The following ERBB4 variants were observed in gnomAD, a reference collection of about 807,000 sequenced individuals.
ERBB4 encodes receptor tyrosine-protein kinase erbB-4.
A neutral mutation model predicts 158.0 loss-of-function variants in ERBB4; 42 were observed. That is an observed-to-expected ratio of 0.27 (90% CI 0.21 to 0.34). ERBB4 has a LOEUF of 0.34. Ranked by LOEUF, ERBB4 falls within the 10% of genes least tolerant of loss-of-function variation. The pLI is 1.00. For missense variants in ERBB4, 1,333 were observed against 1,624.1 expected, an observed-to-expected ratio of 0.82 and a Z score of 3.08; for synonymous variants, 583 against 558.7, an observed-to-expected ratio of 1.04 and a Z score of -0.61.
chr2:211,756,997 T>G (rs1333354420), intron 4 of ERBB4, among the ~76,000 whole-genome samples: 2 of 152,228 alleles, frequency 1.3e-5, no homozygotes, highest in African/African-American at 4.8e-5. Context: ...TTTTCACATT[T>G]AACTTACTGT....
chr2:212,435,090 C>T (rs905420309), intron 1 of ERBB4, among the ~76,000 whole-genome samples: 2 of 151,906 alleles, frequency 1.3e-5, no homozygotes, highest in African/African-American at 4.8e-5. Context: ...TTCTAAGTCT[C>T]ATAGGAAATT....
intron 4 of ERBB4, among the ~76,000 whole-genome samples, chr2:211,774,073 A>T (rs1575127479): frequency 7.0e-6 from 1 of 142,134 alleles, no homozygotes; most frequent in Non-Finnish European, 1.5e-5. Context: ...ACCCCAACCA[A>T]TTTTTTTTTT....
At position 211,395,937 on chromosome 2, in the gene ERBB4, A is replaced by G. The variant is rs1380909857; in HGVS notation, c.3136-7945T>C. Among the ~76,000 whole-genome samples the G allele has an allele frequency of 2.6e-5, 4 of 152,014 alleles. No homozygotes were observed. In the East Asian group the frequency reaches 7.7e-4, roughly 29 times the overall value. On this transcript the variant is annotated intron_variant, in intron 25 of 27. Transcript: ENST00000342788. ...ACAGCATTTATCTCCAGATCTGTCT[A>G]TGCAATAAGATACTGTTTAGGGATT... is the stretch of plus-strand genomic sequence containing the variant.
At chr2:211,921,531 C>T (rs2079857872) in intron 3 of ERBB4, among the ~76,000 whole-genome samples, 1 of 152,060 alleles carries the variant, frequency 6.6e-6, no homozygotes, top group Non-Finnish European at 1.5e-5. Context: ...AACAAATTTG[C>T]ATCATATCAG....
At chr2:212,146,784 A>G (rs138582204) in intron 1 of ERBB4, among the ~76,000 whole-genome samples, 340 of 152,178 alleles carry the variant, frequency 2.2e-3, no homozygotes, top group Non-Finnish European at 3.7e-3. Context: ...CTTTAGATTT[A>G]TTTTCTCAAT....
intron 20 of ERBB4, among the ~76,000 whole-genome samples, chr2:211,488,666 A>G (rs542790357): frequency 6.6e-6 from 1 of 152,252 alleles, no homozygotes; most frequent in South Asian, 2.1e-4. Context: ...AATTTATGGT[A>G]TAAAACTTAC....
intron 3 of ERBB4, among the ~76,000 whole-genome samples, chr2:211,853,841 T>C (rs2077780396): frequency 6.6e-6 from 1 of 152,060 alleles, no homozygotes; most frequent in African/African-American, 2.4e-5. Context: ...CAACAATGAC[T>C]CAATAAAAAG....
chr2:212,347,760 T>C (rs952300472), intron 1 of ERBB4, among the ~76,000 whole-genome samples: 4 of 152,144 alleles, frequency 2.6e-5, no homozygotes, highest in Non-Finnish European at 4.4e-5. Flanking sequence ...GGATTTTGCA[T>C]TCTCAACCTG....
At position 211,861,093 on chromosome 2, in the gene ERBB4, TAA is replaced by T. The variant is rs2078019146; in HGVS notation, c.422-72936_422-72935del. Among the ~76,000 whole-genome samples the T allele has an allele frequency of 1.1e-4, 7 of 63,374 alleles. 1 individual carries two copies. The highest frequency in any genetic ancestry group is 4.4e-4 in the African/African-American group (7 of 15,908). 41.6% of individuals were successfully genotyped at this position (63,374 alleles called of 152,430 possible). ...ATATATTTATATATTATAAAATATA[TAA>T]ATACATTATATATATTTATATATAT... On this transcript the variant is annotated intron_variant, in intron 3 of 27. Coordinates refer to ENST00000342788, the MANE Select transcript of ERBB4 (RefSeq NM_005235.3).
intron 1 of ERBB4, among the ~76,000 whole-genome samples, chr2:212,495,678 A>C (rs1382073639): frequency 6.6e-6 from 1 of 152,208 alleles, no homozygotes; most frequent in Non-Finnish European, 1.5e-5. Flanking sequence ...TAGCCCTGGC[A>C]CATAATTATA....
intron 1 of ERBB4, among the ~76,000 whole-genome samples, chr2:212,240,059 G>A (rs2084025996): frequency 6.6e-6 from 1 of 152,142 alleles, no homozygotes; most frequent in Non-Finnish European, 1.5e-5. Context: ...TCATTCTGAG[G>A]TGCTTATTGT....
At chr2:211,438,087 G>T (rs574540045) in intron 20 of ERBB4, among the ~76,000 whole-genome samples, 136 of 152,256 alleles carry the variant, frequency 8.9e-4, no homozygotes, top group African/African-American at 3.2e-3. Flanking sequence ...AAAGAACACA[G>T]AGCTGAGTGT....
intron 16 of ERBB4, among the ~76,000 whole-genome samples, chr2:211,654,380 GA>G (rs1172513584): frequency 2.0e-5 from 3 of 152,148 alleles, no homozygotes; most frequent in Non-Finnish European, 2.9e-5. Flanking sequence ...AGGCGTTAAT[GA>G]AAGATATCTA....
intron 1 of ERBB4, among the ~76,000 whole-genome samples, chr2:212,405,587 A>T (rs1170719677): frequency 1.3e-5 from 2 of 152,128 alleles, no homozygotes; most frequent in Non-Finnish European, 2.9e-5. Flanking sequence ...TCTAAATAGG[A>T]CAGCCTGGAA....
At chr2:211,944,164 C>CTATATATATATACTA (rs1427451279) in intron 3 of ERBB4, among the ~76,000 whole-genome samples, 4 of 100,892 alleles carry the variant, frequency 4.0e-5, no homozygotes, top group African/African-American at 8.5e-5. Context: ...TATATATACA[C>CTATATATATATACTA]TATATATATA....
intron 3 of ERBB4, among the ~76,000 whole-genome samples, chr2:211,803,489 T>TA (rs2076545625): frequency 6.6e-6 from 1 of 152,072 alleles, no homozygotes; most frequent in African/African-American, 2.4e-5. Flanking sequence ...GAGACAGGTA[T>TA]AAGGAATAGA....
chr2:211,961,323 G>A (rs2081174823), intron 2 of ERBB4, among the ~76,000 whole-genome samples: 2 of 152,144 alleles, frequency 1.3e-5, no homozygotes, highest in Admixed American at 1.3e-4. Context: ...GTGGAGGGCA[G>A]ATTTGTTAGC....
At chr2:212,333,605 G>A (rs2088287278) in intron 1 of ERBB4, among the ~76,000 whole-genome samples, 1 of 151,434 alleles carries the variant, frequency 6.6e-6, no homozygotes, top group Non-Finnish European at 1.5e-5. Flanking sequence ...GAGGTGGGAG[G>A]ATTGCTTGAG....
chr2:211,872,943 CTA>C, intron 3 of ERBB4, among the ~76,000 whole-genome samples: 1 of 150,786 alleles, frequency 6.6e-6, no homozygotes, highest in East Asian at 1.9e-4. Flanking sequence ...GACTAGATAA[CTA>C]TATGAAGCAT....
Sources: gnomAD v4.1 joint callset for allele counts (sites outside exome capture counted in the v4.1 genomes callset) on GRCh38, gnomAD v4.1.1 for gene constraint, MANE v1.5 for transcripts, NCBI Gene and HGNC (gene_info 2026-07-23, HGNC 2026-07-21) for gene names.